Variants in SEMA3C observed in about 807,000 individuals in gnomAD.
SEMA3C encodes the protein semaphorin-3C.
A neutral mutation model predicts 89.4 loss-of-function variants in SEMA3C; 47 were observed. The ratio of observed to expected loss-of-function variants is 0.53; its 90% confidence interval spans 0.42 to 0.67. The LOEUF is 0.67. Among genes scored for constraint, SEMA3C ranks in the 30% least tolerant of loss-of-function variants. The pLI is 0.00. For synonymous variants in SEMA3C, 310 were observed against 320.2 expected, an observed-to-expected ratio of 0.97 and a Z score of 0.34; for missense variants, 839 against 929.1, an observed-to-expected ratio of 0.90 and a Z score of 1.26.
At chr7:80,917,377 T>G (rs144690067) in intron 1 of SEMA3C, among the ~76,000 whole-genome samples, 1 of 152,240 alleles carries the variant, frequency 6.6e-6, no homozygotes, top group Non-Finnish European at 1.5e-5. Flanking sequence ...GAATCAGTTA[T>G]CTGCCATTTT....
intron 17 of SEMA3C, among the ~76,000 whole-genome samples, chr7:80,745,552 A>T (rs911344318): frequency 7.9e-5 from 12 of 151,902 alleles, no homozygotes; most frequent in Non-Finnish European, 1.6e-4. Context: ...TATTATCCAT[A>T]TCAGCAAAAA....
intron 2 of SEMA3C, among the ~76,000 whole-genome samples, chr7:80,852,198 C>A (rs1293350070): frequency 6.6e-6 from 1 of 152,150 alleles, no homozygotes; most frequent in South Asian, 2.1e-4. Context: ...AGGTATCTGA[C>A]AGAAATCCCT....
intron 2 of SEMA3C, among the ~76,000 whole-genome samples, chr7:80,888,963 A>C (rs1302611099): frequency 6.6e-6 from 1 of 152,118 alleles, no homozygotes; most frequent in Non-Finnish European, 1.5e-5. Flanking sequence ...TCCCAGGTTC[A>C]AGTGATTCTC....
intron 2 of SEMA3C, among the ~76,000 whole-genome samples, chr7:80,843,655 T>C (rs1790323562): frequency 6.6e-6 from 1 of 152,186 alleles, no homozygotes; most frequent in Non-Finnish European, 1.5e-5. Flanking sequence ...AGAGTTTCAA[T>C]TTTAAACAGG....
intron 5 of SEMA3C, among the ~76,000 whole-genome samples, chr7:80,817,894 A>G (rs1191379387): frequency 2.6e-5 from 4 of 152,160 alleles, no homozygotes; most frequent in African/African-American, 9.7e-5. Context: ...TTATGCTACA[A>G]TATTTCTATA....
At chr7:80,806,006 T>C (rs1180908794) in intron 6 of SEMA3C, among the ~76,000 whole-genome samples, 1 of 152,058 alleles carries the variant, frequency 6.6e-6, no homozygotes, top group Non-Finnish European at 1.5e-5. Context: ...CTTTATTCTA[T>C]GTAAAAGTGA....
At chr7:80,747,736 A>T (rs1440686391) in intron 17 of SEMA3C, among the ~76,000 whole-genome samples, 1 of 152,154 alleles carries the variant, frequency 6.6e-6, no homozygotes, top group South Asian at 2.1e-4. Context: ...AATCTTTCTA[A>T]AAGTATTGTT....
intron 11 of SEMA3C, among the ~76,000 whole-genome samples, chr7:80,795,176 C>A (rs142250238): frequency 1.6e-4 from 25 of 152,080 alleles, no homozygotes; most frequent in Admixed American, 1.5e-3. Flanking sequence ...GCAGGTGGTT[C>A]GGCTACATGA....
rs1447732442 is a variant in SEMA3C, at chr7:80,818,321, A to C, written c.425T>G (p.Leu142Trp). The C allele has an allele frequency of 6.2e-7, 1 of 1,610,750 alleles. No homozygotes were observed. Among genetic ancestry groups the C allele is most frequent in the Non-Finnish European group, 8.5e-7 (1 of 1,177,450 alleles). ...TACCTCTGATCTCCTCCCTCTGTTC[A>C]AGTAAGTACAGACAGGACTGAAAGC... The part of the protein sequence containing the change: ...SGAFSPVCTY[L>W]NRGRRSEDQV... The change falls in exon 5 of 18, where the codon TTG becomes TGG. Residue 142 changes from leucine to tryptophan, a missense_variant. Transcript: ENST00000265361.
chr7:80,830,545 T>C (rs1789985646), intron 2 of SEMA3C, among the ~76,000 whole-genome samples: 1 of 152,136 alleles, frequency 6.6e-6, no homozygotes, highest in South Asian at 2.1e-4. Context: ...CATACAACAA[T>C]AGTAAAATAC....
At chr7:80,840,241 C>A (rs1001796596) in intron 2 of SEMA3C, among the ~76,000 whole-genome samples, 1 of 151,920 alleles carries the variant, frequency 6.6e-6, no homozygotes, top group Non-Finnish European at 1.5e-5. Flanking sequence ...GTAAAAAGGC[C>A]AGGTGTGGTA....
At chr7:80,881,255 A>G (rs935229780) in intron 2 of SEMA3C, among the ~76,000 whole-genome samples, 8 of 151,990 alleles carry the variant, frequency 5.3e-5, no homozygotes, top group African/African-American at 1.9e-4. Flanking sequence ...CAAGAAGTCA[A>G]TAAGACCAAT....
intron 2 of SEMA3C, among the ~76,000 whole-genome samples, chr7:80,883,688 A>G (rs1163184561): frequency 2.0e-5 from 3 of 152,160 alleles, no homozygotes; most frequent in East Asian, 1.9e-4. Context: ...AAGGCTCACA[A>G]TTTGCCCTAA....
upstream of SEMA3C, chr7:80,922,130 A>T (rs1306796712): frequency 1.3e-5 from 7 of 523,792 alleles, no homozygotes; most frequent in Non-Finnish European, 1.8e-5. Flanking sequence ...TAATGAAGTT[A>T]CAATTTTCAA....
chr7:80,893,124 C>T (rs1181438583), intron 2 of SEMA3C, among the ~76,000 whole-genome samples: 1 of 152,106 alleles, frequency 6.6e-6, no homozygotes, highest in African/African-American at 2.4e-5. Flanking sequence ...ATATTTATCC[C>T]TTTTCATTAG....
At chr7:80,765,540 TTATAA>T (rs1788279007) in intron 12 of SEMA3C, among the ~76,000 whole-genome samples, 1 of 152,022 alleles carries the variant, frequency 6.6e-6, no homozygotes, top group Non-Finnish European at 1.5e-5. Context: ...ATGTGTATTC[TTATAA>T]TACAATACAT....
chr7:80,815,514 G>T (rs1048162616), intron 5 of SEMA3C, among the ~76,000 whole-genome samples: 1 of 105,836 alleles, frequency 9.4e-6, no homozygotes, highest in African/African-American at 3.5e-5. Context: ...CCAAAAAAAG[G>T]ATTTTAAGGG....
At chr7:80,754,411 C>T (rs953632739) in intron 15 of SEMA3C, among the ~76,000 whole-genome samples, 4 of 152,056 alleles carry the variant, frequency 2.6e-5, no homozygotes, top group Admixed American at 6.6e-5. Context: ...AAGTGATCTT[C>T]GTGTTTTGCT....
chr7:80,851,782 T>TAAAGAAAA (rs1196286589), intron 2 of SEMA3C, among the ~76,000 whole-genome samples: 3 of 150,836 alleles, frequency 2.0e-5, no homozygotes, highest in African/African-American at 7.3e-5. Context: ...TGTCAAGTGA[T>TAAAGAAAA]AAAGAAAAAA....
Sources: allele counts gnomAD v4.1 joint callset (sites outside exome capture counted in the v4.1 genomes callset), GRCh38; gene constraint gnomAD v4.1.1; transcripts MANE v1.5; gene names NCBI Gene and HGNC (gene_info 2026-07-23, HGNC 2026-07-21).